The following TMEM178B variants were observed in gnomAD, a reference collection of about 807,000 sequenced individuals.
The protein encoded by TMEM178B is transmembrane protein 178B.
Under a neutral mutation model 31.0 loss-of-function variants are expected in TMEM178B, and 5 were observed. The ratio of observed to expected loss-of-function variants is 0.16; its 90% CI spans 0.08 to 0.34. The LOEUF is 0.34. Ranked by LOEUF, TMEM178B falls within the 10% of genes least tolerant of loss-of-function variation. The pLI is 1.00. For synonymous variants in TMEM178B, 164 were observed against 164.0 expected, an observed-to-expected ratio of 1.00 and a Z score of 0.00; for missense variants, 275 against 400.3, an observed-to-expected ratio of 0.69 and a Z score of 2.67.
intron 2 of TMEM178B, among the ~76,000 whole-genome samples, chr7:141,276,389 A>G (rs1563138805): frequency 6.6e-6 from 1 of 152,144 alleles, no homozygotes; most frequent in Non-Finnish European, 1.5e-5. Flanking sequence ...GTAATTTATA[A>G]AGGAAAGAGG....
intron 2 of TMEM178B, among the ~76,000 whole-genome samples, chr7:141,403,259 G>A (rs912912953): frequency 2.0e-5 from 3 of 152,168 alleles, no homozygotes; most frequent in Admixed American, 6.5e-5. Flanking sequence ...TATCACGGGG[G>A]CCTCATCAGA....
intron 3 of TMEM178B, among the ~76,000 whole-genome samples, chr7:141,446,648 T>G (rs1401631854): frequency 6.6e-6 from 1 of 152,134 alleles, no homozygotes; most frequent in African/African-American, 2.4e-5. Context: ...GGAGAACCAG[T>G]CCAGGACCAA....
chr7:141,386,455 G>T (rs1316536498), intron 2 of TMEM178B, among the ~76,000 whole-genome samples: 2 of 152,156 alleles, frequency 1.3e-5, no homozygotes. Flanking sequence ...TGAAGGTCTT[G>T]TATTCTTGGT....
the TMEM178B span, among the ~76,000 whole-genome samples, chr7:141,503,822 G>A: frequency 1.3e-5 from 2 of 152,132 alleles, no homozygotes; most frequent in Non-Finnish European, 2.9e-5. Flanking sequence ...AGGTCTATTT[G>A]CACTGTGGTA....
intron 1 of TMEM178B, among the ~76,000 whole-genome samples, chr7:141,136,038 A>G (rs1217060184): frequency 6.6e-6 from 1 of 152,228 alleles, no homozygotes; most frequent in Non-Finnish European, 1.5e-5. Flanking sequence ...CCTAGAATTC[A>G]TATGGAACCA....
intron 2 of TMEM178B, among the ~76,000 whole-genome samples, chr7:141,303,170 G>A (rs1470317734): frequency 1.3e-5 from 2 of 152,086 alleles, no homozygotes; most frequent in African/African-American, 4.8e-5. Flanking sequence ...ATCGTTGTGG[G>A]GATGTTAGCC....
chr7:141,217,144 T>C (rs1233168641), intron 2 of TMEM178B, among the ~76,000 whole-genome samples: 1 of 152,200 alleles, frequency 6.6e-6, no homozygotes, highest in Non-Finnish European at 1.5e-5. Context: ...TTTATATGCT[T>C]TTCATATCCC....
At chr7:141,394,169 C>T (rs749996008) in intron 2 of TMEM178B, among the ~76,000 whole-genome samples, 11 of 152,156 alleles carry the variant, frequency 7.2e-5, no homozygotes, top group Non-Finnish European at 1.0e-4. Context: ...CAATCACAGC[C>T]GTGCCCTCTG....
At chr7:141,455,249 A>G (rs546561801) in intron 3 of TMEM178B, among the ~76,000 whole-genome samples, 2 of 152,334 alleles carry the variant, frequency 1.3e-5, no homozygotes, top group South Asian at 4.1e-4. Flanking sequence ...GAAGTTGTGT[A>G]CAGGTTGTGA....
At chr7:141,243,108 G>A (rs757077906) in intron 2 of TMEM178B, among the ~76,000 whole-genome samples, 5 of 152,086 alleles carry the variant, frequency 3.3e-5, no homozygotes, top group Non-Finnish European at 7.4e-5. Context: ...GTTAAATAAA[G>A]TAAAACTTAA....
intron 3 of TMEM178B, among the ~76,000 whole-genome samples, chr7:141,447,867 G>A (rs1477281224): frequency 1.3e-5 from 2 of 152,036 alleles, no homozygotes; most frequent in African/African-American, 4.8e-5. Flanking sequence ...AAGAATTTCA[G>A]GACAGCAACA....
chr7:141,481,120 C>T (rs957644188), downstream of TMEM178B, among the ~76,000 whole-genome samples: 4 of 152,238 alleles, frequency 2.6e-5, no homozygotes, highest in Admixed American at 6.5e-5. Flanking sequence ...ACAGCTCACC[C>T]GGCTGCTGCT....
At chr7:141,216,398 G>A (rs1368362962) in intron 2 of TMEM178B, among the ~76,000 whole-genome samples, 2 of 151,548 alleles carry the variant, frequency 1.3e-5, no homozygotes, top group Admixed American at 6.6e-5. Flanking sequence ...AAACTCCATA[G>A]GGAGTAAAGG....
At chr7:141,213,902 G>A (rs1044147520) in intron 2 of TMEM178B, among the ~76,000 whole-genome samples, 3 of 152,218 alleles carry the variant, frequency 2.0e-5, no homozygotes, top group Non-Finnish European at 1.5e-5. Context: ...GGATGAGATA[G>A]CATTCACCGG....
chr7:141,320,533 C>T (rs1438965779), intron 2 of TMEM178B, among the ~76,000 whole-genome samples: 5 of 152,132 alleles, frequency 3.3e-5, no homozygotes, highest in Non-Finnish European at 5.9e-5. Context: ...CCCGTCTCAC[C>T]TTGGTTCCTC....
intron 2 of TMEM178B, among the ~76,000 whole-genome samples, chr7:141,377,093 G>A (rs1473551291): frequency 6.6e-6 from 1 of 151,970 alleles, no homozygotes; most frequent in Non-Finnish European, 1.5e-5. Flanking sequence ...GTGATAGTTT[G>A]CTTTGATTTT....
chr7:141,081,427 G>A (rs867418515), intron 1 of TMEM178B, among the ~76,000 whole-genome samples: 1 of 152,268 alleles, frequency 6.6e-6, no homozygotes, highest in Middle Eastern at 3.4e-3. Flanking sequence ...CTGAGGTCAG[G>A]AGTTCGAAAC....
intron 1 of TMEM178B, among the ~76,000 whole-genome samples, chr7:141,172,709 G>T (rs1283380729): frequency 2.0e-5 from 3 of 152,194 alleles, no homozygotes; most frequent in Non-Finnish European, 2.9e-5. Flanking sequence ...GGCCACATTG[G>T]CTAAGGGAGG....
the TMEM178B span, among the ~76,000 whole-genome samples, chr7:141,488,733 C>T: frequency 0.021 from 3,165 of 152,092 alleles, 95 homozygotes; most frequent in African/African-American, 0.068. Context: ...CCACCGCGCC[C>T]GGCCTGCATT....
Sources: gnomAD v4.1 joint callset for allele counts (sites outside exome capture counted in the v4.1 genomes callset) on GRCh38, gnomAD v4.1.1 for gene constraint, MANE v1.5 for transcripts, NCBI Gene and HGNC (gene_info 2026-07-23, HGNC 2026-07-21) for gene names.